Variants in SULF2 observed in about 807,000 individuals in gnomAD.
The protein encoded by SULF2 is extracellular sulfatase Sulf-2.
In SULF2, 52 loss-of-function variants were observed where a neutral mutation model predicts 107.7. That is an observed-to-expected ratio of 0.48 (90% confidence interval 0.39 to 0.61). The LOEUF (loss-of-function observed/expected upper bound fraction) is 0.61, where lower values mean the gene tolerates loss of function less well. Ranked by LOEUF, SULF2 falls within the 20% of genes least tolerant of loss-of-function variation. The pLI is 0.00. For missense variants in SULF2, 993 were observed against 1,177.3 expected (o/e 0.84, Z 2.29); for synonymous variants, 460 against 464.3 (o/e 0.99, Z 0.12).
intron 1 of SULF2, among the ~76,000 whole-genome samples, chr20:47,766,763 A>C (rs2090535899): frequency 6.6e-6 from 1 of 152,242 alleles, no homozygotes; most frequent in African/African-American, 2.4e-5. Context: ...AAGCTGTGAG[A>C]ACAGAGTGGC....
At chr20:47,723,046 G>T (rs185974789) in intron 3 of SULF2, among the ~76,000 whole-genome samples, 1 of 151,854 alleles carries the variant, frequency 6.6e-6, no homozygotes, top group African/African-American at 2.4e-5. Context: ...CAGGCTGGGC[G>T]ACAGAGCAAG....
chr20:47,692,349 A>G (rs752686410), intron 4 of SULF2, among the ~76,000 whole-genome samples: 1 of 152,216 alleles, frequency 6.6e-6, no homozygotes, highest in Non-Finnish European at 1.5e-5. Context: ...ATTGTTTATA[A>G]AACAAAAACA....
At chr20:47,756,668 CAG>C (rs1364541643) in intron 2 of SULF2, among the ~76,000 whole-genome samples, 1 of 128,270 alleles carries the variant, frequency 7.8e-6, no homozygotes, top group African/African-American at 3.0e-5. Flanking sequence ...TTTTTTGAGA[CAG>C]AGTCTCACTC....
In SULF2 at chr20:47,736,959, GAAGT is replaced by G; in HGVS notation, c.176-21_176-18del. 6.2e-7 allele frequency: 1 copy of G among 1,613,884 alleles called. No individual in the cohort carries two copies. Among genetic ancestry groups the G allele is most frequent in the Non-Finnish European group, 8.5e-7 (1 of 1,179,842 alleles). On this transcript the variant is annotated intron_variant, in intron 2 of 20. Coordinates refer to ENST00000688720, the MANE Select transcript of SULF2 (RefSeq NM_001387048.1). ...GCATGGAACCTGCAAGTCAAGGGTG[GAAGT>G]AAGGCGCAGGGCAGGAGACCCGGGC...
At chr20:47,745,454 T>C (rs1426400533) in intron 2 of SULF2, among the ~76,000 whole-genome samples, 10 of 17,244 alleles carry the variant, frequency 5.8e-4, no homozygotes, top group East Asian at 2.6e-3. Flanking sequence ...TATATATATA[T>C]ATACACATAC....
intron 1 of SULF2, among the ~76,000 whole-genome samples, chr20:47,773,994 G>A (rs1047933767): frequency 1.3e-5 from 2 of 152,186 alleles, no homozygotes; most frequent in African/African-American, 2.4e-5. Flanking sequence ...ACAGGCGAGC[G>A]TGCCGTCCTC....
At chr20:47,689,988 T>A (rs2146537732) in intron 5 of SULF2, 138 bp downstream of exon 5, 1 of 847,098 alleles carries the variant, frequency 1.2e-6, no homozygotes, top group East Asian at 3.4e-5. Context: ...ACAAGCAGTA[T>A]GTTCTTGGGG....
At chr20:47,714,187 G>A (rs1298873186) in intron 3 of SULF2, among the ~76,000 whole-genome samples, 2 of 152,186 alleles carry the variant, frequency 1.3e-5, no homozygotes, top group African/African-American at 4.8e-5. Context: ...TTTGCCCTTC[G>A]TGGCATCATC....
chr20:47,697,607 AC>A (rs1051895213), intron 4 of SULF2, among the ~76,000 whole-genome samples: 4 of 151,728 alleles, frequency 2.6e-5, no homozygotes, highest in African/African-American at 9.7e-5. Context: ...TTCTGACTTC[AC>A]CGCCCCGCCC....
intron 5 of SULF2, 158 bp from the exon 6 acceptor site, chr20:47,684,739 AG>A (rs2087943345): frequency 1.5e-6 from 1 of 656,178 alleles, no homozygotes; most frequent in African/African-American, 1.9e-5. Context: ...TTGGCATGTC[AG>A]GGGCTTATCC....
At chr20:47,768,769 G>C (rs916534307) in intron 1 of SULF2, among the ~76,000 whole-genome samples, 8 of 152,222 alleles carry the variant, frequency 5.3e-5, no homozygotes, top group African/African-American at 1.7e-4. Context: ...CCCTGAAGCA[G>C]GCCCTGCTCG....
intron 2 of SULF2, among the ~76,000 whole-genome samples, chr20:47,745,633 A>G (rs1372070581): frequency 6.6e-6 from 1 of 151,430 alleles, no homozygotes; most frequent in Non-Finnish European, 1.5e-5. Context: ...GGTTCAAGTG[A>G]TTCTCCTGCC....
chr20:47,762,093 CT>C (rs2090430490), intron 1 of SULF2, among the ~76,000 whole-genome samples: 2 of 152,200 alleles, frequency 1.3e-5, no homozygotes, highest in African/African-American at 4.8e-5. Flanking sequence ...TCCATTAAAT[CT>C]TTTTCTTTTA....
Position 47,666,637 on chromosome 20 carries a change from G to T in SULF2, c.1577-149C>A, listed in dbSNP as rs934478544. ...ACTCGAGGGGTCGTGGAATCTACCCGCCTGCTCGCAGATCCTGGACCGCAG... is the reference window on the plus strand; with the variant it reads ...ACTCGAGGGGTCGTGGAATCTACCCTCCTGCTCGCAGATCCTGGACCGCAG... On this transcript the variant is annotated intron_variant, in intron 11 of 20. Coordinates refer to ENST00000688720, the MANE Select transcript of SULF2 (RefSeq NM_001387048.1). The surrounding 1 kb of genome is among the most constrained non-coding windows in gnomAD (Gnocchi z 5.4). 3 of 660,492 alleles carry T rather than the reference G, an allele frequency of 4.5e-6. No homozygotes were observed. The highest frequency in any genetic ancestry group is 3.6e-5 in the African/African-American group (2 of 55,130). 40.9% of individuals were successfully genotyped at this position (660,492 alleles called of 1,614,324 possible).
intron 3 of SULF2, among the ~76,000 whole-genome samples, chr20:47,728,462 G>T (rs980250546): frequency 1.3e-5 from 2 of 152,018 alleles, no homozygotes; most frequent in South Asian, 4.2e-4. Context: ...GGAGAGAAAC[G>T]GGAGAGGAGA....
intron 16 of SULF2, 96 bp from the exon 17 acceptor site, chr20:47,663,308 C>G: frequency 6.3e-7 from 1 of 1,584,172 alleles, no homozygotes; most frequent in Non-Finnish European, 8.6e-7. Context: ...AAAACCAGTT[C>G]GTCAAATGCC....
chr20:47,690,683 A>T (rs1568820618), intron 4 of SULF2, among the ~76,000 whole-genome samples: 1 of 152,106 alleles, frequency 6.6e-6, no homozygotes, highest in African/African-American at 2.4e-5. Context: ...CAGCCTGGCC[A>T]ACACGGTGAA....
intron 1 of SULF2, among the ~76,000 whole-genome samples, chr20:47,760,294 C>T (rs1028666996): frequency 7.2e-5 from 11 of 152,164 alleles, no homozygotes; most frequent in African/African-American, 2.7e-4. Flanking sequence ...CTCTGGCTTC[C>T]GGCTGGGAGG....
intron 3 of SULF2, among the ~76,000 whole-genome samples, chr20:47,704,766 T>A (rs1001313026): frequency 3.3e-5 from 5 of 152,088 alleles, no homozygotes; most frequent in African/African-American, 1.2e-4. Flanking sequence ...TGTAAGGAGA[T>A]CTTGCTAACA....
Sources: allele counts gnomAD v4.1 joint callset (sites outside exome capture counted in the v4.1 genomes callset), GRCh38; gene constraint gnomAD v4.1.1; non-coding constraint Gnocchi (gnomAD v3.1); transcripts MANE v1.5; gene names NCBI Gene and HGNC (gene_info 2026-07-23, HGNC 2026-07-21).